C2orf49: variants seen among roughly 807,000 people sequenced by gnomAD.
C2orf49 encodes the protein tRNA splicing ligase complex subunit 2.
A neutral mutation model predicts 20.6 loss-of-function variants in C2orf49; 11 were observed. The ratio of observed to expected loss-of-function variants is 0.53; its 90% CI spans 0.34 to 0.88. C2orf49 has a LOEUF of 0.88. Among genes scored for constraint, C2orf49 ranks in the 40% least tolerant of loss-of-function variants. C2orf49 has a pLI of 0.02. For missense variants in C2orf49, 289 were observed against 274.2 expected, an observed-to-expected ratio of 1.05 and a Z score of -0.38; for synonymous variants, 134 against 108.5, an observed-to-expected ratio of 1.24 and a Z score of -1.46.
intron 2 of C2orf49, 112 bp downstream of exon 2, chr2:105,339,861 T>C: frequency 1.1e-6 from 1 of 943,912 alleles, no homozygotes; most frequent in East Asian, 2.8e-5. Flanking sequence ...ACTCAATGAC[T>C]ATCTATTGAG....
the C2orf49 span, among the ~76,000 whole-genome samples, chr2:105,370,496 C>T: frequency 6.6e-6 from 1 of 152,162 alleles, no homozygotes; most frequent in Middle Eastern, 3.4e-3. Flanking sequence ...AATAGGGGCG[C>T]GAGAGCCGGT....
chr2:105,382,606 C>T, the C2orf49 span, among the ~76,000 whole-genome samples: 2 of 152,224 alleles, frequency 1.3e-5, no homozygotes, highest in Non-Finnish European at 2.9e-5. Context: ...AGTCATCAGG[C>T]AATACACAGT....
At chr2:105,365,923 G>A in the C2orf49 span, among the ~76,000 whole-genome samples, 1 of 152,018 alleles carries the variant, frequency 6.6e-6, no homozygotes, top group Non-Finnish European at 1.5e-5. Context: ...GAACAAATGG[G>A]GCCAGGCATG....
the C2orf49 span, chr2:105,361,236 A>G: frequency 6.3e-7 from 1 of 1,576,974 alleles, no homozygotes; most frequent in Non-Finnish European, 8.6e-7. Context: ...AAGAAAACAT[A>G]AAAATCTGTG....
At chr2:105,378,159 T>G in the C2orf49 span, 2 of 471,076 alleles carry the variant, frequency 4.2e-6, no homozygotes, top group Non-Finnish European at 8.8e-6. Flanking sequence ...TGCACATGGG[T>G]CCAAGGCACT....
rs1312012156 is a variant in C2orf49, at chr2:105,347,647, A to G, written c.*2276A>G. On this transcript the variant is annotated 3_prime_UTR_variant, in exon 4 of 4. Coordinates refer to ENST00000258457, the MANE Select transcript of C2orf49 (RefSeq NM_024093.3). ...TGTTAACATAATCCCACCTTCTTAG[A>G]GCTTTGTTCCTTCTGAAGGTGTATA... is the stretch of plus-strand genomic sequence containing the variant. The G allele has an allele frequency of 6.6e-6, 1 of 152,156 alleles. No individual in the cohort carries two copies. Among genetic ancestry groups the G allele is most frequent in the Non-Finnish European group, 1.5e-5 (1 of 68,032 alleles). 9.4% of individuals were successfully genotyped at this position (152,156 alleles called of 1,614,324 possible). A position where few individuals can be genotyped will look rare whatever the true frequency, so the allele number is the denominator to read the frequency against.
At chr2:105,384,755 G>A in the C2orf49 span, among the ~76,000 whole-genome samples, 2 of 152,192 alleles carry the variant, frequency 1.3e-5, no homozygotes, top group African/African-American at 4.8e-5. Flanking sequence ...TGATTCACCC[G>A]CCTTGGCCTC....
the C2orf49 span, among the ~76,000 whole-genome samples, chr2:105,366,225 AAAAGG>A: frequency 6.6e-6 from 1 of 152,082 alleles, no homozygotes; most frequent in Non-Finnish European, 1.5e-5. Context: ...AAGAAAAAAA[AAAAGG>A]AAATGAGAGA....
the C2orf49 span, among the ~76,000 whole-genome samples, chr2:105,383,842 G>A: frequency 1.3e-5 from 2 of 152,202 alleles, no homozygotes; most frequent in Non-Finnish European, 2.9e-5. Context: ...CAAATGCCAA[G>A]GTCTCGCTTC....
At chr2:105,369,067 A>G in the C2orf49 span, among the ~76,000 whole-genome samples, 1 of 152,204 alleles carries the variant, frequency 6.6e-6, no homozygotes, top group Non-Finnish European at 1.5e-5. Context: ...AGTAGTTGTG[A>G]CAGAGACTGT....
the C2orf49 span, chr2:105,363,121 A>C: frequency 1.6e-6 from 1 of 624,524 alleles, no homozygotes. Flanking sequence ...AAGCATAGCC[A>C]GTGCACCAAG....
the C2orf49 span, among the ~76,000 whole-genome samples, chr2:105,354,763 A>C: frequency 1.3e-5 from 2 of 152,244 alleles, no homozygotes; most frequent in Non-Finnish European, 1.5e-5. Context: ...GTAGTTGTGC[A>C]TTTAAATTAA....
chr2:105,339,041 ACTGTCGTCAGTACGGG>A (rs1400368388), intron 1 of C2orf49, among the ~76,000 whole-genome samples: 1 of 152,248 alleles, frequency 6.6e-6, no homozygotes, highest in Non-Finnish European at 1.5e-5. Context: ...ATGTACTGCT[ACTGTCGTCAGTACGGG>A]AATAACAGTT....
chr2:105,353,217 G>A (rs1383408545), downstream of C2orf49, among the ~76,000 whole-genome samples: 1 of 152,000 alleles, frequency 6.6e-6, no homozygotes, highest in Non-Finnish European at 1.5e-5. Flanking sequence ...AGTCCTCATG[G>A]CCTAATCTCT....
At position 105,349,124 on chromosome 2, in the gene C2orf49, G is replaced by T. The variant is rs1319658374; in HGVS notation, c.*3753G>T. ...CAGTTGAGAGATTTTATGTTAGAGT[G>T]ATCTGAAAAAAAGTTAATTTCTAAA... On this transcript the variant is annotated 3_prime_UTR_variant, in exon 4 of 4. Transcript: ENST00000258457. 6.6e-6 allele frequency: 1 copy of T among 152,136 alleles called. No homozygotes were observed. The highest frequency in any genetic ancestry group is 1.5e-5 in the Non-Finnish European group (1 of 68,014). The allele number at this position is 152,136 out of a possible 1,614,324, so 9.4% of individuals were successfully genotyped here. A position where few individuals can be genotyped will look rare whatever the true frequency, so the allele number is the denominator to read the frequency against.
the C2orf49 span, among the ~76,000 whole-genome samples, chr2:105,380,920 A>G: frequency 3.9e-5 from 6 of 152,226 alleles, no homozygotes; most frequent in Admixed American, 3.9e-4. Context: ...CTGGTTTTGT[A>G]TTTTTCCATT....
At chr2:105,371,677 C>T in the C2orf49 span, among the ~76,000 whole-genome samples, 4 of 152,122 alleles carry the variant, frequency 2.6e-5, no homozygotes, top group Non-Finnish European at 5.9e-5. Context: ...AATTCAAAAT[C>T]CGGGAAATAT....
chr2:105,352,820 A>G (rs1469451761), downstream of C2orf49, among the ~76,000 whole-genome samples: 1 of 149,766 alleles, frequency 6.7e-6, no homozygotes, highest in Non-Finnish European at 1.5e-5. Flanking sequence ...ACATTTAACA[A>G]TTAAAGTCGC....
At chr2:105,367,450 C>T in the C2orf49 span, 1 of 1,013,578 alleles carries the variant, frequency 9.9e-7, no homozygotes. Context: ...AGGACAGGCA[C>T]AGCTCCCACG....
Sources: allele counts gnomAD v4.1 joint callset (sites outside exome capture counted in the v4.1 genomes callset), GRCh38; gene constraint gnomAD v4.1.1; transcripts MANE v1.5; gene names NCBI Gene and HGNC (gene_info 2026-07-23, HGNC 2026-07-21).